SDK1: variants seen among roughly 807,000 people sequenced by gnomAD.
SDK1 encodes sidekick cell adhesion molecule 1, also known as protein sidekick-1.
SDK1 carries 157 observed loss-of-function variants against 245.5 expected under a neutral mutation model. The observed-to-expected ratio is 0.64, with a 90% CI of 0.56 to 0.73. The LOEUF is 0.73. Among genes scored for constraint, SDK1 ranks in the 30% least tolerant of loss-of-function variants. The pLI, the probability that SDK1 is intolerant of heterozygous loss-of-function variation, is 0.00. For synonymous variants in SDK1, 1,647 were observed against 1,278.5 expected, an observed-to-expected ratio of 1.29 and a Z score of -6.15; for missense variants, 3,583 against 3,002.3, an observed-to-expected ratio of 1.19 and a Z score of -4.52.
intron 1 of SDK1, among the ~76,000 whole-genome samples, chr7:3,443,677 T>A (rs1172027564): frequency 6.6e-6 from 1 of 152,214 alleles, no homozygotes; most frequent in Admixed American, 6.5e-5. Flanking sequence ...TTTCTTCATT[T>A]GTAATTGCGA....
intron 16 of SDK1, among the ~76,000 whole-genome samples, chr7:4,013,980 C>T (rs1024311170): frequency 7.9e-5 from 12 of 152,354 alleles, no homozygotes; most frequent in Middle Eastern, 3.4e-3. Context: ...CCCGTGTCCC[C>T]GCCGCCTGCG....
chr7:3,915,985 C>G (rs1373177311), intron 5 of SDK1, among the ~76,000 whole-genome samples: 1 of 152,176 alleles, frequency 6.6e-6, no homozygotes, highest in Non-Finnish European at 1.5e-5. Flanking sequence ...CAAAAAGTGA[C>G]TGGAGCAGAT....
intron 1 of SDK1, among the ~76,000 whole-genome samples, chr7:3,617,878 C>T (rs1196902607): frequency 6.6e-6 from 1 of 152,068 alleles, no homozygotes; most frequent in African/African-American, 2.4e-5. Context: ...GACATTCAGA[C>T]CGTAACTCTA....
At chr7:4,090,870 G>A (rs186167837) in intron 22 of SDK1, among the ~76,000 whole-genome samples, 1 of 148,698 alleles carries the variant, frequency 6.7e-6, no homozygotes, top group Non-Finnish European at 1.5e-5. Flanking sequence ...CAAATACAAT[G>A]CAAAACCCTC....
chr7:3,507,259 T>G (rs780698214), intron 1 of SDK1, among the ~76,000 whole-genome samples: 6 of 151,816 alleles, frequency 4.0e-5, no homozygotes, highest in Admixed American at 6.6e-5. Flanking sequence ...AATCTCACCC[T>G]ACACATGTGC....
chr7:3,573,361 G>C (rs1181983220), intron 1 of SDK1, among the ~76,000 whole-genome samples: 1 of 152,034 alleles, frequency 6.6e-6, no homozygotes, highest in East Asian at 1.9e-4. Context: ...GAGAGCCTCA[G>C]GGGGCTGAGC....
intron 4 of SDK1, among the ~76,000 whole-genome samples, chr7:3,777,212 C>CAGACCTG (rs1338273193): frequency 6.6e-6 from 1 of 152,198 alleles, no homozygotes; most frequent in Admixed American, 6.5e-5. Context: ...GCTCTAACTG[C>CAGACCTG]AGACCTGTGC....
intron 1 of SDK1, among the ~76,000 whole-genome samples, chr7:3,510,611 A>T (rs188952143): frequency 3.3e-5 from 5 of 152,290 alleles, no homozygotes; most frequent in Non-Finnish European, 7.4e-5. Flanking sequence ...ATGGCCCAAG[A>T]CAGGTTTTAG....
chr7:4,044,518 A>G (rs932550184), intron 17 of SDK1, among the ~76,000 whole-genome samples: 4 of 152,192 alleles, frequency 2.6e-5, no homozygotes, highest in African/African-American at 9.7e-5. Context: ...AGCATAGCTC[A>G]CGGTAACCTC....
At chr7:4,148,183 A>T (rs930764289) in intron 29 of SDK1, among the ~76,000 whole-genome samples, 11 of 152,270 alleles carry the variant, frequency 7.2e-5, no homozygotes, top group African/African-American at 2.2e-4. Context: ...AAGGGCCAGA[A>T]CGTGTGCTTA....
At chr7:3,529,662 G>A (rs1783274612) in intron 1 of SDK1, among the ~76,000 whole-genome samples, 1 of 152,156 alleles carries the variant, frequency 6.6e-6, no homozygotes, top group African/African-American at 2.4e-5. Flanking sequence ...GGTTCAAGTG[G>A]TAGTTATTAA....
chr7:3,929,622 T>C (rs1271456145), intron 5 of SDK1, among the ~76,000 whole-genome samples: 1 of 152,338 alleles, frequency 6.6e-6, no homozygotes, highest in South Asian at 2.1e-4. Flanking sequence ...TGAAGTGTTA[T>C]CTTTTGTAAT....
rs1437038978 is a variant in SDK1, at chr7:4,166,370, T to C, written c.4800+4514T>C. Among the ~76,000 whole-genome samples, 5 of 152,244 alleles carry C rather than the reference T, an allele frequency of 3.3e-5. No homozygotes were observed. The South Asian group carries it at 8.3e-4, about 25-fold the overall frequency. Reference sequence around the variant, plus strand: ...TGTGAAGAGCTTTCATTAAGCGCAGTGGGCTCTTTAAGGCATTGATAGGAA... The same window carrying C: ...TGTGAAGAGCTTTCATTAAGCGCAGCGGGCTCTTTAAGGCATTGATAGGAA... On this transcript the variant is annotated intron_variant, in intron 32 of 44. Transcript: ENST00000404826.
intron 1 of SDK1, among the ~76,000 whole-genome samples, chr7:3,372,612 G>C (rs1781255652): frequency 6.6e-6 from 1 of 152,130 alleles, no homozygotes; most frequent in Non-Finnish European, 1.5e-5. Context: ...CCCCCAAAAT[G>C]AACCCTGTAA....
chr7:3,954,289 A>ACCCTCCACCCTCCCCTCCTGCCTCCC lies in SDK1; in HGVS notation c.1150+2370_1150+2371insCCTCCACCCTCCCCTCCTGCCTCCCC, dbSNP rs1781066456. 1.9e-4 allele frequency among the ~76,000 whole-genome samples: 2 copies of ACCCTCCACCCTCCCCTCCTGCCTCCC among 10,560 alleles called. 1 individual carries two copies. Among genetic ancestry groups the ACCCTCCACCCTCCCCTCCTGCCTCCC allele is most frequent in the East Asian group, 7.8e-3 (2 of 258 alleles). 6.9% of individuals were successfully genotyped at this position (10,560 alleles called of 152,430 possible). ...CCCTCCTCTCCCGCATCACCTCTACACTCTACAGCCTCCCCTCCTGCCTCC... is the reference window on the plus strand; with the variant it reads ...CCCTCCTCTCCCGCATCACCTCTACACCCTCCACCCTCCCCTCCTGCCTCCCCTCTACAGCCTCCCCTCCTGCCTCC... On this transcript the variant is annotated intron_variant, in intron 7 of 44. Coordinates refer to ENST00000404826, the MANE Select transcript of SDK1 (RefSeq NM_152744.4).
At chr7:3,418,145 G>GAAAAAAAACAAAAA (rs1779429672) in intron 1 of SDK1, among the ~76,000 whole-genome samples, 1 of 119,726 alleles carries the variant, frequency 8.4e-6, no homozygotes, top group African/African-American at 3.9e-5. Flanking sequence ...TACTAAAAAT[G>GAAAAAAAACAAAAA]AAAAAAAAAA....
chr7:3,304,951 T>C lies in SDK1; in HGVS notation c.298+3067T>C, dbSNP rs967011181. ...CCCTCCTCCCTCCAGGTGATTCTCA[T>C]GTTTAGCCAAGTTTGAGAACCACTG... On this transcript the variant is annotated intron_variant, in intron 1 of 44. Coordinates refer to ENST00000404826, the MANE Select transcript of SDK1 (RefSeq NM_152744.4). Among the ~76,000 whole-genome samples, 12 of 152,166 alleles carry C rather than the reference T, an allele frequency of 7.9e-5. 1 individual carries two copies. The highest frequency in any genetic ancestry group is 2.2e-4 in the African/African-American group (9 of 41,450).
chr7:4,060,123 C>A (rs375116326), intron 19 of SDK1, among the ~76,000 whole-genome samples: 1 of 152,072 alleles, frequency 6.6e-6, no homozygotes, highest in Non-Finnish European at 1.5e-5. Context: ...CCTCGTGATC[C>A]GCCCGCCTCG....
chr7:4,183,615 T>G (rs898785899), intron 35 of SDK1, among the ~76,000 whole-genome samples: 1 of 136,232 alleles, frequency 7.3e-6, no homozygotes, highest in African/African-American at 2.9e-5. Context: ...CACTCCAGCC[T>G]GGGCTACAGA....
Sources: gnomAD v4.1 joint callset for allele counts (sites outside exome capture counted in the v4.1 genomes callset) on GRCh38, gnomAD v4.1.1 for gene constraint, MANE v1.5 for transcripts, NCBI Gene and HGNC (gene_info 2026-07-23, HGNC 2026-07-21) for gene names.